The following PRKG1 variants were observed in gnomAD, a reference collection of about 807,000 sequenced individuals.
The protein encoded by PRKG1 is protein kinase cGMP-dependent 1.
A neutral mutation model predicts 88.1 loss-of-function variants in PRKG1; 35 were observed. The observed-to-expected ratio is 0.40, with a 90% CI of 0.30 to 0.53. The LOEUF is 0.53. PRKG1 is among the 20% of genes least tolerant of loss of function. PRKG1 has a pLI of 0.59. For synonymous variants in PRKG1, 303 were observed against 292.5 expected (o/e 1.04, Z -0.37); for missense variants, 540 against 839.8 (o/e 0.64, Z 4.41).
chr10:52,264,783 T>C (rs889635866), intron 10 of PRKG1, among the ~76,000 whole-genome samples: 2 of 152,098 alleles, frequency 1.3e-5, no homozygotes, highest in African/African-American at 4.8e-5. Flanking sequence ...CAGTGTGTGT[T>C]CTTTGAAAGT....
intron 3 of PRKG1, among the ~76,000 whole-genome samples, chr10:51,651,639 A>T (rs531898424): frequency 2.0e-5 from 3 of 151,192 alleles, no homozygotes; most frequent in Admixed American, 2.0e-4. Flanking sequence ...GCTGGAGTAC[A>T]GTGGCGCCAT....
chr10:51,394,631 T>G (rs1045012404), intron 2 of PRKG1, among the ~76,000 whole-genome samples: 1 of 152,244 alleles, frequency 6.6e-6, no homozygotes, highest in African/African-American at 2.4e-5. Context: ...TCACTCCACC[T>G]TAGACCAAAG....
At chr10:52,266,102 C>T (rs548429476) in intron 10 of PRKG1, among the ~76,000 whole-genome samples, 2 of 151,736 alleles carry the variant, frequency 1.3e-5, no homozygotes, top group African/African-American at 4.8e-5. Flanking sequence ...ACAGAAAATT[C>T]CTATATACGC....
At chr10:51,262,178 GC>G (rs1378320794) in intron 2 of PRKG1, among the ~76,000 whole-genome samples, 1 of 152,092 alleles carries the variant, frequency 6.6e-6, no homozygotes, top group African/African-American at 2.4e-5. Flanking sequence ...GAGCCACTGT[GC>G]CCGGCCAGGA....
At chr10:51,628,122 CTCTTTCTTTCTTTCTTTCTTTCTTTCTT>C (rs11269617) in intron 3 of PRKG1, among the ~76,000 whole-genome samples, 6 of 116,826 alleles carry the variant, frequency 5.1e-5, no homozygotes, top group Non-Finnish European at 1.0e-4. Flanking sequence ...TTCTTTATTT[CTCTTTCTTTCTTTCTTTCTTTCTTTCTT>C]TCTTTCTTTC....
chr10:52,260,959 C>T (rs949676220), intron 10 of PRKG1, among the ~76,000 whole-genome samples: 1 of 150,778 alleles, frequency 6.6e-6, no homozygotes, highest in Admixed American at 6.6e-5. Flanking sequence ...AGAAAATTGT[C>T]CAACCCTTTG....
rs199796018 is a variant in PRKG1 at position 51,074,561 on chromosome 10, A to G, written c.-30A>G. 1.2e-4 allele frequency: 184 copies of G among 1,592,806 alleles called. 1 individual carries two copies. The African/African-American group carries it at 2.0e-3, about 18-fold the overall frequency. On this transcript the variant is annotated 5_prime_UTR_variant, in exon 1 of 18. Coordinates refer to ENST00000373980, the MANE Select transcript of PRKG1 (RefSeq NM_006258.4). ...AAGCCTCAAGACGCGGAGCAGCGGCAGGAAGGAGCCCCCGGCAGCCCGGAG... is the reference window on the plus strand; with the variant it reads ...AAGCCTCAAGACGCGGAGCAGCGGCGGGAAGGAGCCCCCGGCAGCCCGGAG...
rs574831862 is a variant in PRKG1, at chr10:52,215,107, A to G, written c.1077-36463A>G. ...ATGTATTATTCTAAATACAAAGTCT[A>G]TTTTGGGCCAGGCATGGTGGCTCAT... On this transcript the variant is annotated intron_variant, in intron 9 of 17. Transcript: ENST00000373980. 3.4e-4 allele frequency among the ~76,000 whole-genome samples: 52 copies of G among 151,742 alleles called. No individual in the cohort carries two copies. In the South Asian group the frequency reaches 4.4e-3, roughly 13 times the overall value.
At chr10:51,050,697 A>G (rs907758393) in intron 1 of PRKG1, among the ~76,000 whole-genome samples, 1 of 152,176 alleles carries the variant, frequency 6.6e-6, no homozygotes, top group African/African-American at 2.4e-5. Context: ...CTGCTGTATC[A>G]TATGGTAGTT....
At chr10:51,725,965 C>T (rs2339812) in intron 3 of PRKG1, among the ~76,000 whole-genome samples, 1 of 152,280 alleles carries the variant, frequency 6.6e-6, no homozygotes, top group East Asian at 1.9e-4. Flanking sequence ...AGCAGCACCA[C>T]TAGAACATGA....
chr10:52,172,900 A>G (rs1838747103), intron 9 of PRKG1, among the ~76,000 whole-genome samples: 2 of 152,232 alleles, frequency 1.3e-5, no homozygotes. Context: ...AACTTGAACA[A>G]GCACCCTGGC....
intron 2 of PRKG1, among the ~76,000 whole-genome samples, chr10:51,307,734 A>G (rs1314354884): frequency 6.6e-6 from 1 of 152,154 alleles, no homozygotes; most frequent in East Asian, 1.9e-4. Flanking sequence ...AGAGACTGAA[A>G]TATATTCTAT....
At chr10:51,304,454 C>A (rs949942377) in intron 2 of PRKG1, among the ~76,000 whole-genome samples, 5 of 151,582 alleles carry the variant, frequency 3.3e-5, no homozygotes, top group African/African-American at 1.2e-4. Context: ...CTGATAAGAC[C>A]CAGAGACACT....
At chr10:52,230,859 G>T (rs1026384548) in intron 9 of PRKG1, 3 of 152,148 alleles carry the variant, frequency 2.0e-5, no homozygotes, top group African/African-American at 7.2e-5. Context: ...TAACATCACA[G>T]TGATTGTTTA....
At chr10:51,190,848 T>G (rs555778232) in intron 2 of PRKG1, among the ~76,000 whole-genome samples, 2 of 151,854 alleles carry the variant, frequency 1.3e-5, no homozygotes, top group Non-Finnish European at 2.9e-5. Flanking sequence ...CCTTCCCATA[T>G]TGTCATTGTG....
At chr10:51,699,686 T>C in intron 3 of PRKG1, 2 of 964,766 alleles carry the variant, frequency 2.1e-6, no homozygotes, top group Non-Finnish European at 1.5e-6. Flanking sequence ...ATCGTTCCGC[T>C]TGCCTGTGGA....
chr10:52,208,464 T>A (rs1019110550), intron 9 of PRKG1, among the ~76,000 whole-genome samples: 6 of 152,196 alleles, frequency 3.9e-5, no homozygotes, highest in African/African-American at 1.4e-4. Context: ...AGTATTATGG[T>A]AAAATGCTTT....
intron 5 of PRKG1, among the ~76,000 whole-genome samples, chr10:51,970,956 C>T (rs1474060832): frequency 4.6e-5 from 7 of 151,262 alleles, no homozygotes. Context: ...AATGTAAATA[C>T]TCTTGACTAC....
At chr10:51,293,864 G>A (rs983899436) in intron 2 of PRKG1, among the ~76,000 whole-genome samples, 16 of 151,942 alleles carry the variant, frequency 1.1e-4, no homozygotes, top group East Asian at 1.9e-4. Flanking sequence ...TAAGAGTTCC[G>A]TTTTCTTCAC....
Sources: gnomAD v4.1 joint callset for allele counts (sites outside exome capture counted in the v4.1 genomes callset) on GRCh38, gnomAD v4.1.1 for gene constraint, MANE v1.5 for transcripts, NCBI Gene and HGNC (gene_info 2026-07-23, HGNC 2026-07-21) for gene names.